SERTAD4: variants seen among roughly 807,000 people sequenced by gnomAD.
SERTAD4 encodes the protein SERTA domain containing 4, also known as SERTA domain-containing protein 4.
In SERTAD4, 18 loss-of-function variants were observed where a neutral mutation model predicts 32.9. The ratio of observed to expected loss-of-function variants is 0.55; its 90% CI spans 0.38 to 0.81. The LOEUF (loss-of-function observed/expected upper bound fraction) is 0.81, where lower values mean the gene tolerates loss of function less well. Among genes scored for constraint, SERTAD4 ranks in the 30% least tolerant of loss-of-function variants. SERTAD4 has a pLI of 0.00. For missense variants in SERTAD4, 383 were observed against 426.0 expected, an observed-to-expected ratio of 0.90 and a Z score of 0.89; for synonymous variants, 150 against 156.4, an observed-to-expected ratio of 0.96 and a Z score of 0.30.
chr1:210,242,432 A>T lies in SERTAD4; in HGVS notation c.*95A>T, dbSNP rs113920754. On this transcript the variant is annotated 3_prime_UTR_variant, in exon 4 of 4. Coordinates refer to ENST00000367012, the MANE Select transcript of SERTAD4 (RefSeq NM_019605.5). The surrounding 1 kb of genome is among the most constrained non-coding windows in gnomAD (Gnocchi z 4.0). ...TGGATTTTGTAGTTTTGTACAACAG[A>T]TAAAATTATGCCATGAACATGCCAT... 1 of 1,484,678 alleles carries T rather than the reference A, an allele frequency of 6.7e-7. No homozygotes were observed. Among genetic ancestry groups the T allele is most frequent in the Non-Finnish European group, 8.9e-7 (1 of 1,122,344 alleles). The allele number at this position is 1,484,678 out of a possible 1,614,324, so 92.0% of individuals were successfully genotyped here.
At chr1:210,235,959 G>T (rs114522143) in intron 1 of SERTAD4, among the ~76,000 whole-genome samples, 230 of 152,344 alleles carry the variant, frequency 1.5e-3, no homozygotes, top group African/African-American at 5.2e-3. Flanking sequence ...AGAAAGGGCT[G>T]CTGACTGTTG....
At chr1:210,233,272 C>T (rs956426971) in intron 1 of SERTAD4, among the ~76,000 whole-genome samples, 2 of 152,032 alleles carry the variant, frequency 1.3e-5, no homozygotes, top group African/African-American at 2.4e-5. Flanking sequence ...GCGGCGCCTT[C>T]ACCAGGGCGG....
intron 1 of SERTAD4, among the ~76,000 whole-genome samples, chr1:210,234,341 C>T (rs1414927326): frequency 1.3e-5 from 2 of 152,206 alleles, no homozygotes; most frequent in Non-Finnish European, 2.9e-5. Context: ...TCGGAGCACC[C>T]CTTCGTGCTC....
chr1:210,245,696 A>G lies in SERTAD4; in HGVS notation c.*3359A>G. 2.1e-6 allele frequency: 1 copy of G among 466,028 alleles called. No homozygotes were observed. Among genetic ancestry groups the G allele is most frequent in the Middle Eastern group, 1.1e-3 (1 of 936 alleles). The allele number at this position is 466,028 out of a possible 1,614,324, so 28.9% of individuals were successfully genotyped here. On this transcript the variant is annotated 3_prime_UTR_variant, in exon 4 of 4. Coordinates refer to ENST00000367012, the MANE Select transcript of SERTAD4 (RefSeq NM_019605.5). ...GTGAAGCAAGGGAATGAAAGTATTT[A>G]TTTTTAGAGCTCATAGTTAACTCCA...
In SERTAD4 at chr1:210,238,126, C is replaced by G. The variant is rs202012113; in HGVS notation, c.166C>G (p.Pro56Ala). ...GCAGGGAGACCGGGGAGCTGGTCCCCCACTGGCAGGTATTGCCCTTGACCT... is the reference window on the plus strand; with the variant it reads ...GCAGGGAGACCGGGGAGCTGGTCCCGCACTGGCAGGTATTGCCCTTGACCT... Reference protein sequence around the residue: ...PLQGDRGAGPPLAGSHYRGIS... With the variant: ...PLQGDRGAGPALAGSHYRGIS... The change falls in exon 2 of 4, where the codon CCA (proline) becomes GCA (alanine). Residue 56 changes from proline (P) to alanine (A), a missense_variant. Around this residue, in one of 3 missense-constraint regions of SERTAD4, gnomAD observed 96 missense variants for 76.6 expected, o/e 1.25. Transcript: ENST00000367012. 7.5e-6 allele frequency: 12 copies of G among 1,605,334 alleles called. No homozygotes were observed. The East Asian group carries it at 2.5e-4, about 33-fold the overall frequency.
intron 1 of SERTAD4, among the ~76,000 whole-genome samples, chr1:210,235,495 CTAGTT>C (rs1197191124): frequency 1.3e-5 from 2 of 152,276 alleles, no homozygotes; most frequent in Non-Finnish European, 2.9e-5. Context: ...CTCAGCCTCT[CTAGTT>C]TAGGGTTTTG....
At chr1:210,235,720 C>CT (rs941019826) in intron 1 of SERTAD4, among the ~76,000 whole-genome samples, 9 of 152,276 alleles carry the variant, frequency 5.9e-5, no homozygotes, top group African/African-American at 2.2e-4. Flanking sequence ...TAAACAAACT[C>CT]TGACAAACAT....
chr1:210,243,114 A>AAAAAAAAAAAAAAC lies in SERTAD4; in HGVS notation c.*778_*779insAAAAAAAAAAAACA. On this transcript the variant is annotated 3_prime_UTR_variant, in exon 4 of 4. Coordinates refer to ENST00000367012, the MANE Select transcript of SERTAD4 (RefSeq NM_019605.5). ...AGGACAAAAAAAAAAAAAAAAAAAA[A>AAAAAAAAAAAAAAC]ACCACAGGGTGGATCAATATGGTTT... 1.4e-6 allele frequency: 1 copy of AAAAAAAAAAAAAAC among 695,902 alleles called. No homozygotes were observed. The highest frequency in any genetic ancestry group is 1.8e-6 in the Non-Finnish European group (1 of 567,466). 43.1% of individuals were successfully genotyped at this position (695,902 alleles called of 1,614,324 possible). A position where few individuals can be genotyped will look rare whatever the true frequency, so the allele number is the denominator to read the frequency against.
chr1:210,239,935 G>A (rs768165585), intron 3 of SERTAD4, among the ~76,000 whole-genome samples: 1 of 152,104 alleles, frequency 6.6e-6, no homozygotes, highest in Non-Finnish European at 1.5e-5. Context: ...GAATGCGCTC[G>A]TTCTTTCCTG....
Position 210,242,558 on chromosome 1 carries a change from A to C in SERTAD4, c.*221A>C, listed in dbSNP as rs2084009771. On this transcript the variant is annotated 3_prime_UTR_variant, in exon 4 of 4. Transcript: ENST00000367012. This position sits in a 1 kb window ranked among gnomAD's most constrained non-coding sequence, Gnocchi z 4.0. The stretch of plus-strand genomic sequence containing the variant: ...GTGATTTTTACCAAGGAAACGATTG[A>C]CTTAATGCTTAAAAGTATATCATAG... 3.8e-6 allele frequency: 5 copies of C among 1,305,184 alleles called. No individual in the cohort carries two copies. The South Asian group carries it at 1.3e-4, about 34-fold the overall frequency. The allele number at this position is 1,305,184 out of a possible 1,614,324, so 80.9% of individuals were successfully genotyped here. A position where few individuals can be genotyped will look rare whatever the true frequency, so the allele number is the denominator to read the frequency against.
chr1:210,239,218 C>T (rs1431159283), intron 2 of SERTAD4, among the ~76,000 whole-genome samples: 1 of 152,120 alleles, frequency 6.6e-6, no homozygotes, highest in East Asian at 1.9e-4. Context: ...ATGAATGTTG[C>T]AGTTTCCTTT....
At chr1:210,233,985 T>A in intron 1 of SERTAD4, 1 of 94,736 alleles carries the variant, frequency 1.1e-5, no homozygotes, top group Non-Finnish European at 1.8e-5. Context: ...GGAAACTTGG[T>A]TTTTTTTTTA....
At chr1:210,241,414 C>A (rs79571799) in intron 3 of SERTAD4, 144 bp from the exon 4 acceptor site, 2 of 816,954 alleles carry the variant, frequency 2.4e-6, no homozygotes, top group South Asian at 4.3e-5. Context: ...ATTAACCCTG[C>A]GGAACAAGAC....
In SERTAD4 at chr1:210,242,852, C is replaced by T; in HGVS notation, c.*515C>T. 2 of 986,232 alleles carry T rather than the reference C, an allele frequency of 2.0e-6. No homozygotes were observed. The highest frequency in any genetic ancestry group is 2.4e-6 in the Non-Finnish European group (2 of 830,378). 61.1% of individuals were successfully genotyped at this position (986,232 alleles called of 1,614,324 possible). A position where few individuals can be genotyped will look rare whatever the true frequency, so the allele number is the denominator to read the frequency against. On this transcript the variant is annotated 3_prime_UTR_variant, in exon 4 of 4. Transcript: ENST00000367012. This position sits in a 1 kb window ranked among gnomAD's most constrained non-coding sequence, Gnocchi z 4.0. ...CTGTTAAGTATTTGTACCTAACAGT[C>T]TTGTGTGACAGATGAAAATAGGATG... is the stretch of plus-strand genomic sequence containing the variant.
chr1:210,242,011 G>A lies in SERTAD4; in HGVS notation c.745G>A (p.Gly249Ser). The part of the protein sequence containing the change: ...SCSRQVDFDV[G>S]SASIYKSDGQ... ...TTCCCGCCAGGTGGATTTTGATGTA[G>A]GTAGTGCATCTATTTACAAGAGTGA... Residue 249 changes from glycine to serine, a missense_variant, in exon 4 of 4, where the codon GGT (glycine) becomes AGT (serine). Coordinates refer to ENST00000367012, the MANE Select transcript of SERTAD4 (RefSeq NM_019605.5). This position sits in a 1 kb window ranked among gnomAD's most constrained non-coding sequence, Gnocchi z 4.0. 1 of 1,614,098 alleles carries A rather than the reference G, an allele frequency of 6.2e-7. No homozygotes were observed. The highest frequency in any genetic ancestry group is 8.5e-7 in the Non-Finnish European group (1 of 1,180,022).
Position 210,241,526 on chromosome 1 carries a change from GTTTTTTTCTTTTT to G in SERTAD4, c.292-24_292-12del, listed in dbSNP as rs1433386578. On this transcript the variant is annotated intron_variant, in intron 3 of 3. Coordinates refer to ENST00000367012, the MANE Select transcript of SERTAD4 (RefSeq NM_019605.5). ...GCTTTCTCTCTTCCTTTTTCTGTTT[GTTTTTTTCTTTTT>G]TTTTTTTTTGGTTTGTAGACCATCT... The G allele has an allele frequency of 7.1e-7, 1 of 1,417,490 alleles. No individual in the cohort carries two copies. The highest frequency in any genetic ancestry group is 9.3e-7 in the Non-Finnish European group (1 of 1,069,714). 87.8% of individuals were successfully genotyped at this position (1,417,490 alleles called of 1,614,324 possible). A position where few individuals can be genotyped will look rare whatever the true frequency, so the allele number is the denominator to read the frequency against.
At chr1:210,238,165 CCA>C (rs756714572) in intron 2 of SERTAD4, 30 bp downstream of exon 2, 7 of 1,376,674 alleles carry the variant, frequency 5.1e-6, no homozygotes, top group Non-Finnish European at 6.0e-6. Context: ...CCCATCCCCC[CCA>C]CCCCTCGCTG....
In SERTAD4 at chr1:210,242,015, G is replaced by A. The variant is rs1301403829; in HGVS notation, c.749G>A (p.Ser250Asn). ...CSRQVDFDVG[S>N]ASIYKSDGQI... is the part of the protein sequence containing the mutation. ...CGCCAGGTGGATTTTGATGTAGGTA[G>A]TGCATCTATTTACAAGAGTGATGGC... Residue 250 changes from serine to asparagine, a missense_variant, in exon 4 of 4, where the codon AGT becomes AAT. Transcript: ENST00000367012. The surrounding 1 kb of genome is among the most constrained non-coding windows in gnomAD (Gnocchi z 4.0). 3 of 1,613,998 alleles carry A rather than the reference G, an allele frequency of 1.9e-6. No individual in the cohort carries two copies. The highest frequency in any genetic ancestry group is 2.5e-6 in the Non-Finnish European group (3 of 1,180,026).
intron 1 of SERTAD4, among the ~76,000 whole-genome samples, 162 bp from the exon 2 acceptor site, chr1:210,237,782 A>G (rs760657492): frequency 2.6e-5 from 4 of 152,162 alleles, no homozygotes; most frequent in Non-Finnish European, 5.9e-5. Context: ...GAGTTTGCTG[A>G]GGTTTTCTTT....
Sources: gnomAD v4.1 joint callset for allele counts (sites outside exome capture counted in the v4.1 genomes callset) on GRCh38, gnomAD v4.1.1 for gene constraint, gnomAD v4.1.1 regional missense constraint, Gnocchi (gnomAD v3.1) non-coding constraint, MANE v1.5 for transcripts, NCBI Gene and HGNC (gene_info 2026-07-23, HGNC 2026-07-21) for gene names.